The following CLDN18 variants were observed in gnomAD, a reference collection of about 807,000 sequenced individuals.
CLDN18 encodes claudin-18.
CLDN18 carries 20 observed loss-of-function variants against 25.0 expected under a neutral mutation model. That is an observed-to-expected ratio of 0.80 (90% CI 0.56 to 1.16). CLDN18 has a LOEUF of 1.16. CLDN18 is among the 50% of genes most tolerant of loss of function. The probability of loss-of-function intolerance (pLI) is 0.00; values close to 1 mark genes in which losing one functional copy is unlikely to be tolerated. For missense variants in CLDN18, 297 were observed against 345.4 expected (o/e 0.86, Z 1.11); for synonymous variants, 125 against 135.6 (o/e 0.92, Z 0.54).
chr3:138,022,878 A>G (rs999987619), intron 1 of CLDN18, among the ~76,000 whole-genome samples: 11 of 152,218 alleles, frequency 7.2e-5, no homozygotes, highest in African/African-American at 2.4e-4. Context: ...TCAGTAAACA[A>G]TTGTTGCTAT....
At chr3:138,023,845 C>T (rs375347495) in intron 2 of CLDN18, 23 bp downstream of exon 2, 1 of 1,592,414 alleles carries the variant, frequency 6.3e-7, no homozygotes, top group African/African-American at 1.3e-5. Flanking sequence ...CCTGGAGTTC[C>T]CACTTCTGCG....
chr3:138,001,280 C>T (rs760052353), intron 1 of CLDN18, among the ~76,000 whole-genome samples: 2 of 152,184 alleles, frequency 1.3e-5, no homozygotes, highest in Non-Finnish European at 2.9e-5. Flanking sequence ...AAGCACCTTC[C>T]TGTCCTCATC....
At chr3:138,018,106 G>A (rs999704677) in intron 1 of CLDN18, among the ~76,000 whole-genome samples, 1 of 152,142 alleles carries the variant, frequency 6.6e-6, no homozygotes, top group African/African-American at 2.4e-5. Context: ...CACCTTAGAG[G>A]ATGTCTTAGA....
chr3:138,013,840 T>C (rs1559805054), intron 1 of CLDN18, among the ~76,000 whole-genome samples: 1 of 152,236 alleles, frequency 6.6e-6, no homozygotes, highest in Non-Finnish European at 1.5e-5. Flanking sequence ...AACTATCATC[T>C]GACACAAGAT....
At chr3:138,010,111 A>C, upstream of CLDN18, 1 of 1,448,144 alleles carries the variant, frequency 6.9e-7, no homozygotes, top group Non-Finnish European at 9.1e-7. Context: ...AAATACTGAG[A>C]GCCTAGGGAA....
intron 1 of CLDN18, among the ~76,000 whole-genome samples, chr3:138,003,825 AT>A (rs1942041660): frequency 6.6e-6 from 1 of 152,156 alleles, no homozygotes; most frequent in African/African-American, 2.4e-5. Flanking sequence ...TAATAAAAAA[AT>A]TTTTTAAAGA....
chr3:138,022,229 G>A (rs1238513834), intron 1 of CLDN18, among the ~76,000 whole-genome samples: 1 of 152,114 alleles, frequency 6.6e-6, no homozygotes, highest in African/African-American at 2.4e-5. Flanking sequence ...CTGTATAAGG[G>A]TCTCATCTGC....
intron 1 of CLDN18, among the ~76,000 whole-genome samples, chr3:138,015,172 T>A (rs1942189037): frequency 6.7e-6 from 1 of 149,358 alleles, no homozygotes; most frequent in Non-Finnish European, 1.5e-5. Flanking sequence ...ATTTAAAGAG[T>A]GTAAGAATGG....
chr3:138,028,772 T>C (rs1230559719), intron 3 of CLDN18, among the ~76,000 whole-genome samples: 1 of 152,204 alleles, frequency 6.6e-6, no homozygotes, highest in Non-Finnish European at 1.5e-5. Flanking sequence ...CCTGATCTGA[T>C]GTAATTGAGT....
chr3:138,028,541 C>G (rs1942353338), intron 3 of CLDN18, among the ~76,000 whole-genome samples: 1 of 152,170 alleles, frequency 6.6e-6, no homozygotes, highest in Non-Finnish European at 1.5e-5. Flanking sequence ...CTTTGAGGAA[C>G]ACAAAGGGAA....
At chr3:138,005,981 A>G (rs1268810562), upstream of CLDN18, among the ~76,000 whole-genome samples, 3 of 152,232 alleles carry the variant, frequency 2.0e-5, no homozygotes, top group Admixed American at 2.0e-4. Flanking sequence ...AATGATGTTT[A>G]CAAGAGCTTT....
chr3:138,001,241 C>A (rs901002793), intron 1 of CLDN18, among the ~76,000 whole-genome samples: 5 of 152,240 alleles, frequency 3.3e-5, no homozygotes, highest in African/African-American at 1.2e-4. Flanking sequence ...AGAAATCTCT[C>A]CTGACCCAAG....
At chr3:138,004,936 T>C (rs1296584207) in intron 1 of CLDN18, 1 of 152,102 alleles carries the variant, frequency 6.6e-6, no homozygotes, top group Non-Finnish European at 1.5e-5. Context: ...TTATTGAGCA[T>C]ACTTTATGTA....
upstream of CLDN18, among the ~76,000 whole-genome samples, chr3:138,005,861 T>C (rs985763338): frequency 5.9e-5 from 9 of 152,214 alleles, no homozygotes; most frequent in Non-Finnish European, 1.3e-4. Flanking sequence ...AAGATGTTCA[T>C]CATAACATTG....
In CLDN18 at chr3:138,010,197, C is replaced by T. The variant is rs1358664421; in HGVS notation, c.-29C>T. The T allele has an allele frequency of 5.0e-6, 8 of 1,604,510 alleles. No individual in the cohort carries two copies. Among genetic ancestry groups the T allele is most frequent in the Non-Finnish European group, 6.8e-6 (8 of 1,175,256 alleles). On this transcript the variant is annotated 5_prime_UTR_variant, in exon 1 of 5. Coordinates refer to ENST00000183605, the MANE Select transcript of CLDN18 (RefSeq NM_016369.4). ...CGGCAGCAGGAGGGCGGCAGCTTCT[C>T]GCAGGCGGCAGGGCGGGCGGCCAGG...
At chr3:138,004,107 G>A (rs1305981871) in intron 1 of CLDN18, among the ~76,000 whole-genome samples, 2 of 152,098 alleles carry the variant, frequency 1.3e-5, no homozygotes, top group Non-Finnish European at 2.9e-5. Flanking sequence ...CCTGGAGGTG[G>A]AGGTTGCAGT....
At chr3:138,008,584 C>T (rs1396202346), upstream of CLDN18, among the ~76,000 whole-genome samples, 1 of 151,004 alleles carries the variant, frequency 6.6e-6, no homozygotes, top group African/African-American at 2.4e-5. Flanking sequence ...GCCTGGGCGA[C>T]AGAGTGAGAC....
chr3:138,010,318 C>T lies in CLDN18; in HGVS notation c.93C>T (p.Ser31=), dbSNP rs975424557. The stretch of plus-strand genomic sequence containing the variant: ...CGGCCACCGGGATGGACATGTGGAG[C>T]ACCCAGGACCTGTACGACAACCCCG... The part of the protein sequence containing the change: ...CIAATGMDMW[S]TQDLYDNPVT... The change falls in exon 1 of 5, where the codon AGC becomes AGT. Residue 31 remains serine, a synonymous_variant. Transcript: ENST00000183605. 6.2e-7 allele frequency: 1 copy of T among 1,614,208 alleles called. No homozygotes were observed. The highest frequency in any genetic ancestry group is 8.5e-7 in the Non-Finnish European group (1 of 1,180,046).
At chr3:138,030,818 A>G in intron 4 of CLDN18, 152 bp from the exon 5 acceptor site, 1 of 661,176 alleles carries the variant, frequency 1.5e-6, no homozygotes, top group Non-Finnish European at 2.6e-6. Flanking sequence ...ACCAAAAACT[A>G]AGGTTACTAA....
Sources: gnomAD v4.1 joint callset for allele counts (sites outside exome capture counted in the v4.1 genomes callset) on GRCh38, gnomAD v4.1.1 for gene constraint, MANE v1.5 for transcripts, NCBI Gene and HGNC (gene_info 2026-07-23, HGNC 2026-07-21) for gene names.